CSMD1: variants seen among roughly 807,000 people sequenced by gnomAD.
CSMD1 encodes the protein CUB and sushi domain-containing protein 1.
Under a neutral mutation model 417.5 loss-of-function variants are expected in CSMD1, and 213 were observed. That is an observed-to-expected ratio of 0.51 (90% CI 0.46 to 0.57). CSMD1 has a LOEUF of 0.57. Among genes scored for constraint, CSMD1 ranks in the 20% least tolerant of loss-of-function variants. The pLI is 0.00. For missense variants in CSMD1, 6,923 were observed against 4,529.7 expected (o/e 1.53, Z -15.17); for synonymous variants, 2,862 against 1,736.8 (o/e 1.65, Z -16.11).
At chr8:4,182,028 G>C (rs1031834554) in intron 3 of CSMD1, among the ~76,000 whole-genome samples, 1 of 116,658 alleles carries the variant, frequency 8.6e-6, no homozygotes, top group Non-Finnish European at 2.0e-5. Context: ...ACACACCCGT[G>C]TGTGTGTGTG....
chr8:3,417,865 G>A (rs940923670), intron 12 of CSMD1, among the ~76,000 whole-genome samples: 2 of 152,198 alleles, frequency 1.3e-5, no homozygotes, highest in Non-Finnish European at 2.9e-5. Context: ...TGTCCACGCG[G>A]TATGGACGTG....
At chr8:3,743,092 G>C (rs369272224) in intron 6 of CSMD1, among the ~76,000 whole-genome samples, 13 of 152,270 alleles carry the variant, frequency 8.5e-5, no homozygotes, top group African/African-American at 2.9e-4. Flanking sequence ...CTCACTGCTG[G>C]ATAAACAAAC....
intron 3 of CSMD1, among the ~76,000 whole-genome samples, chr8:4,064,959 C>T (rs142269848): frequency 2.0e-5 from 3 of 151,408 alleles, no homozygotes; most frequent in Admixed American, 1.3e-4. Flanking sequence ...CTAGATTTAA[C>T]GCTGTGCATT....
intron 3 of CSMD1, among the ~76,000 whole-genome samples, chr8:4,072,056 G>C (rs572638021): frequency 6.6e-6 from 1 of 152,252 alleles, no homozygotes; most frequent in Admixed American, 6.5e-5. Flanking sequence ...ATAGAGTTTT[G>C]GTTTTGCCAC....
intron 12 of CSMD1, among the ~76,000 whole-genome samples, chr8:3,415,988 C>G (rs1336160942): frequency 1.3e-5 from 2 of 152,058 alleles, no homozygotes; most frequent in Non-Finnish European, 2.9e-5. Context: ...ACTTTTCACA[C>G]TTGTCAATTC....
intron 4 of CSMD1, among the ~76,000 whole-genome samples, chr8:4,028,782 G>A (rs942768711): frequency 6.6e-6 from 1 of 152,176 alleles, no homozygotes; most frequent in African/African-American, 2.4e-5. Flanking sequence ...TAATCCAAGT[G>A]AAGTTTTTAG....
At chr8:3,536,857 C>T (rs923164126) in intron 10 of CSMD1, among the ~76,000 whole-genome samples, 1 of 152,186 alleles carries the variant, frequency 6.6e-6, no homozygotes, top group African/African-American at 2.4e-5. Context: ...TGTTCTGTGG[C>T]TCAGATAAGA....
At chr8:2,981,978 G>A (rs190770983) in intron 54 of CSMD1, among the ~76,000 whole-genome samples, 6 of 152,194 alleles carry the variant, frequency 3.9e-5, no homozygotes, top group Admixed American at 3.3e-4. Context: ...GATTCTAGAG[G>A]TGACTCATTA....
At chr8:4,144,203 G>T (rs1042973111) in intron 3 of CSMD1, among the ~76,000 whole-genome samples, 1 of 150,946 alleles carries the variant, frequency 6.6e-6, no homozygotes, top group Non-Finnish European at 1.5e-5. Context: ...CCTGCCCCTA[G>T]ATCTTGGGCT....
intron 12 of CSMD1, among the ~76,000 whole-genome samples, chr8:3,427,950 A>G (rs566827341): frequency 6.6e-6 from 1 of 152,362 alleles, no homozygotes; most frequent in African/African-American, 2.4e-5. Flanking sequence ...TCAGGAATTA[A>G]TAAGGTAAAG....
At chr8:3,010,146 A>C (rs1808269444) in intron 52 of CSMD1, among the ~76,000 whole-genome samples, 1 of 151,960 alleles carries the variant, frequency 6.6e-6, no homozygotes, top group East Asian at 1.9e-4. Flanking sequence ...ACAAACCCCA[A>C]AGGAAGAGCT....
chr8:3,859,569 G>A (rs1248518742), intron 5 of CSMD1, among the ~76,000 whole-genome samples: 1 of 152,108 alleles, frequency 6.6e-6, no homozygotes, highest in Non-Finnish European at 1.5e-5. Context: ...CAATCTTAGT[G>A]CGAAGTTGGG....
At chr8:3,773,400 C>T (rs1034765244) in intron 5 of CSMD1, among the ~76,000 whole-genome samples, 3 of 152,178 alleles carry the variant, frequency 2.0e-5, no homozygotes, top group African/African-American at 7.2e-5. Flanking sequence ...GGTTCTCCCA[C>T]CTCAGCCTCC....
rs772297386 is a variant in CSMD1, at chr8:3,995,553, T to A, written c.818+2350A>T. Among the ~76,000 whole-genome samples the A allele has an allele frequency of 3.9e-5, 6 of 152,272 alleles. No homozygotes were observed. The South Asian group carries it at 1.0e-3, about 26-fold the overall frequency. On this transcript the variant is annotated intron_variant, in intron 5 of 69. Transcript: ENST00000635120. The stretch of plus-strand genomic sequence containing the variant: ...ACTACACTGACTGAGGGGCTATACA[T>A]AGAGAGAAGAAAATGCCGTGGAGTC...
chr8:3,189,935 T>C lies in CSMD1; in HGVS notation c.5375A>G (p.Asn1792Ser). The C allele has an allele frequency of 6.3e-7, 1 of 1,588,700 alleles. No homozygotes were observed. The highest frequency in any genetic ancestry group is 8.6e-7 in the Non-Finnish European group (1 of 1,167,878). ...ACCCACACAGCTGGGGATCGTGTCGTTCCACTGTGCCAAGGCGTTGGGCAC... is the reference window on the plus strand; with the variant it reads ...ACCCACACAGCTGGGGATCGTGTCGCTCCACTGTGCCAAGGCGTTGGGCAC... ...QSVPNALAQWNDTIPSCVVPC... is the reference protein window; with the variant it reads ...QSVPNALAQWSDTIPSCVVPC... Residue 1792 changes from asparagine (N) to serine (S), a missense_variant, in exon 34 of 70, where the codon AAC (asparagine) becomes AGC (serine). Asn to Ser is a conservative substitution (Grantham distance 46, BLOSUM62 1). Transcript: ENST00000635120.
At position 2,954,254 on chromosome 8, in the gene CSMD1, C is replaced by A. The variant is rs1802841200; in HGVS notation, c.10009G>T (p.Glu3337Ter). ...SPVCKSKGVREVNETVTKTPV... is the reference protein window; with the variant it reads ...SPVCKSKGVR ...GTTTTAGTAACTGTTTCATTAACTT[C>A]TCTCACTCCTTTACCTACAAGTAAA... is the stretch of plus-strand genomic sequence containing the variant. Residue 3337 changes from glutamate (E) to a stop codon, truncating the protein, a stop_gained, in exon 65 of 70, where the codon GAA becomes TAA. Transcript: ENST00000635120. LOFTEE classifies it high-confidence loss of function. The A allele has an allele frequency of 6.7e-7, 1 of 1,494,160 alleles. No individual in the cohort carries two copies. Among genetic ancestry groups the A allele is most frequent in the South Asian group, 1.2e-5 (1 of 80,146 alleles). 92.6% of individuals were successfully genotyped at this position (1,494,160 alleles called of 1,614,324 possible).
chr8:4,875,517 G>C (rs1463925279), intron 1 of CSMD1, among the ~76,000 whole-genome samples: 1 of 151,990 alleles, frequency 6.6e-6, no homozygotes, highest in Non-Finnish European at 1.5e-5. Context: ...TGAAGCTTTG[G>C]CATTTGTCTA....
At chr8:3,014,032 A>G (rs1284308988) in intron 52 of CSMD1, among the ~76,000 whole-genome samples, 1 of 152,128 alleles carries the variant, frequency 6.6e-6, no homozygotes, top group African/African-American at 2.4e-5. Context: ...TTCTCCTCAT[A>G]TACATTGCAA....
At chr8:3,569,676 C>G (rs938590061) in intron 10 of CSMD1, among the ~76,000 whole-genome samples, 2 of 152,174 alleles carry the variant, frequency 1.3e-5, no homozygotes, top group African/African-American at 4.8e-5. Flanking sequence ...AATACACTTT[C>G]ATCAACGTGC....
Sources: allele counts gnomAD v4.1 joint callset (sites outside exome capture counted in the v4.1 genomes callset), GRCh38; gene constraint gnomAD v4.1.1; transcripts MANE v1.5; gene names NCBI Gene and HGNC (gene_info 2026-07-23, HGNC 2026-07-21).